GRM7: variants seen among roughly 807,000 people sequenced by gnomAD.
The protein encoded by GRM7 is metabotropic glutamate receptor 7.
Under a neutral mutation model 84.5 loss-of-function variants are expected in GRM7, and 35 were observed. That is an observed-to-expected ratio of 0.41 (90% CI 0.32 to 0.55). The LOEUF is 0.55. Among genes scored for constraint, GRM7 ranks in the 20% least tolerant of loss-of-function variants. The probability of loss-of-function intolerance (pLI) is 0.19; values close to 1 mark genes in which losing one functional copy is unlikely to be tolerated. For missense variants in GRM7, 1,003 were observed against 1,194.6 expected (o/e 0.84, Z 2.36); for synonymous variants, 487 against 455.1 (o/e 1.07, Z -0.89).
At chr3:7,589,698 G>T (rs999253472) in intron 8 of GRM7, among the ~76,000 whole-genome samples, 8 of 152,176 alleles carry the variant, frequency 5.3e-5, no homozygotes, top group African/African-American at 1.9e-4. Context: ...ATCATCATTG[G>T]ATTTTCCCAC....
At chr3:7,702,276 G>T (rs1456960969) in intron 9 of GRM7, among the ~76,000 whole-genome samples, 1 of 152,182 alleles carries the variant, frequency 6.6e-6, no homozygotes, top group African/African-American at 2.4e-5. Flanking sequence ...TAGACTGTGG[G>T]TGTAGATTCA....
In GRM7 at chr3:7,635,749, C is replaced by A. The variant is rs577696248; in HGVS notation, c.2452-44300C>A. Among the ~76,000 whole-genome samples the A allele has an allele frequency of 2.0e-5, 3 of 152,304 alleles. No individual in the cohort carries two copies. In the East Asian group the frequency reaches 5.8e-4, roughly 30 times the overall value. On this transcript the variant is annotated intron_variant, in intron 8 of 9. Coordinates refer to ENST00000357716, the MANE Select transcript of GRM7 (RefSeq NM_000844.4). ...AGTGCAGTGGCACAATCATAGTTCA[C>A]TGCAACCTCAAACCTGGGGACTCAA...
At chr3:7,714,901 G>C (rs1022318311) in intron 9 of GRM7, among the ~76,000 whole-genome samples, 7 of 152,148 alleles carry the variant, frequency 4.6e-5, no homozygotes, top group Admixed American at 3.9e-4. Flanking sequence ...ATGCTAAATT[G>C]ATCTTGTTCT....
intron 4 of GRM7, among the ~76,000 whole-genome samples, chr3:7,326,785 G>A (rs1701004585): frequency 6.7e-6 from 1 of 148,562 alleles, no homozygotes; most frequent in African/African-American, 2.5e-5. Flanking sequence ...AGTGAGCCGA[G>A]ATCACGCCAT....
At chr3:6,989,709 C>T (rs755029575) in intron 1 of GRM7, among the ~76,000 whole-genome samples, 5 of 152,128 alleles carry the variant, frequency 3.3e-5, no homozygotes, top group South Asian at 4.1e-4. Flanking sequence ...TCCAAAGAGC[C>T]GATAATTCAC....
At chr3:7,033,999 C>G (rs190233515) in intron 1 of GRM7, among the ~76,000 whole-genome samples, 2 of 152,076 alleles carry the variant, frequency 1.3e-5, no homozygotes, top group Non-Finnish European at 2.9e-5. Flanking sequence ...GCCTAAGCAC[C>G]AATTACAGGT....
Position 7,605,644 on chromosome 3 carries a change from A to G in GRM7, c.2451+26287A>G, listed in dbSNP as rs182336293. ...GATAACTGCCGTTTTATAAAACTCC[A>G]TAGGTAACATTGATGTGCATCCCCA... On this transcript the variant is annotated intron_variant, in intron 8 of 9. Transcript: ENST00000357716. 3.7e-3 allele frequency among the ~76,000 whole-genome samples: 556 copies of G among 152,302 alleles called. 6 individuals are homozygous for G. Among genetic ancestry groups the G allele is most frequent in the Admixed American group, 0.033 (497 of 15,288 alleles).
At chr3:6,903,041 G>T (rs925684694) in intron 1 of GRM7, among the ~76,000 whole-genome samples, 1 of 152,014 alleles carries the variant, frequency 6.6e-6, no homozygotes, top group Admixed American at 6.6e-5. Flanking sequence ...CTTTGCATGG[G>T]TGACATGAGA....
intron 9 of GRM7, among the ~76,000 whole-genome samples, chr3:7,685,598 T>A (rs1290909842): frequency 6.6e-6 from 1 of 152,144 alleles, no homozygotes. Flanking sequence ...ATGAACCACA[T>A]GTTAGAAGAA....
chr3:7,062,739 TAACCCATATCA>T (rs1435473413), intron 1 of GRM7, among the ~76,000 whole-genome samples: 4 of 151,760 alleles, frequency 2.6e-5, no homozygotes, highest in African/African-American at 9.7e-5. Flanking sequence ...AAAATGGTGA[TAACCCATATCA>T]ACATTAGATG....
intron 5 of GRM7, among the ~76,000 whole-genome samples, chr3:7,429,182 A>G (rs1696732011): frequency 6.6e-6 from 1 of 151,876 alleles, no homozygotes; most frequent in Admixed American, 6.6e-5. Flanking sequence ...AATAATAATG[A>G]TGATAGAGTT....
intron 7 of GRM7, among the ~76,000 whole-genome samples, chr3:7,477,234 A>G (rs2124931533): frequency 6.6e-6 from 1 of 152,274 alleles, no homozygotes; most frequent in East Asian, 1.9e-4. Context: ...AATGCACTCA[A>G]AAGAGCAAGA....
At chr3:7,348,390 A>G (rs943073035) in intron 4 of GRM7, among the ~76,000 whole-genome samples, 5 of 152,036 alleles carry the variant, frequency 3.3e-5, no homozygotes, top group African/African-American at 1.2e-4. Flanking sequence ...TATCCTGCTT[A>G]TATTTGTTGC....
intron 8 of GRM7, among the ~76,000 whole-genome samples, chr3:7,601,876 A>G (rs145730855): frequency 6.6e-6 from 1 of 152,068 alleles, no homozygotes; most frequent in Non-Finnish European, 1.5e-5. Context: ...TCCTTGACCA[A>G]TAGTAGTTGC....
intron 8 of GRM7, among the ~76,000 whole-genome samples, chr3:7,656,611 C>T (rs9861722): frequency 0.026 from 3,974 of 150,476 alleles, 170 homozygotes; most frequent in African/African-American, 0.092. Context: ...AAAAGCAGGT[C>T]GTGTTTTATG....
chr3:7,310,425 A>G (rs1305933822), intron 4 of GRM7, among the ~76,000 whole-genome samples: 1 of 152,186 alleles, frequency 6.6e-6, no homozygotes, highest in African/African-American at 2.4e-5. Context: ...CTAAAACTGG[A>G]AAGAACAAAG....
intron 1 of GRM7, among the ~76,000 whole-genome samples, chr3:7,103,348 G>T (rs1326606790): frequency 2.0e-5 from 3 of 151,702 alleles, no homozygotes; most frequent in Non-Finnish European, 4.4e-5. Flanking sequence ...AATTTGGTAG[G>T]AGTCAGATTC....
chr3:7,603,105 G>A (rs961152933), intron 8 of GRM7, among the ~76,000 whole-genome samples: 2 of 152,014 alleles, frequency 1.3e-5, no homozygotes, highest in South Asian at 2.1e-4. Flanking sequence ...CAGTTAGTTA[G>A]AGCCACCACC....
intron 8 of GRM7, among the ~76,000 whole-genome samples, chr3:7,609,666 G>C (rs1696756202): frequency 6.6e-6 from 1 of 152,114 alleles, no homozygotes; most frequent in African/African-American, 2.4e-5. Flanking sequence ...AGGAGATGTT[G>C]AGCTTTTGAG....
Sources: allele counts gnomAD v4.1 joint callset (sites outside exome capture counted in the v4.1 genomes callset), GRCh38; gene constraint gnomAD v4.1.1; transcripts MANE v1.5; gene names NCBI Gene and HGNC (gene_info 2026-07-23, HGNC 2026-07-21).